Variants in CSRNP3 observed in about 807,000 individuals in gnomAD.
The protein encoded by CSRNP3 is cysteine and serine rich nuclear protein 3, also known as cysteine/serine-rich nuclear protein 3.
CSRNP3 carries 12 observed loss-of-function variants against 48.0 expected under a neutral mutation model. That is an observed-to-expected ratio of 0.25 (90% CI 0.16 to 0.41). The LOEUF (loss-of-function observed/expected upper bound fraction) is 0.41. Ranked by LOEUF, CSRNP3 falls within the 10% of genes least tolerant of loss-of-function variation. The pLI is 1.00. For synonymous variants in CSRNP3, 263 were observed against 269.7 expected (o/e 0.98, Z 0.24); for missense variants, 580 against 724.4 (o/e 0.80, Z 2.29).
chr2:165,631,651 G>GT (rs1329406298), intron 4 of CSRNP3, among the ~76,000 whole-genome samples: 15 of 152,188 alleles, frequency 9.9e-5, no homozygotes, highest in African/African-American at 3.6e-4. Context: ...ACACAGATCA[G>GT]TAAGTAAACA....
intron 2 of CSRNP3, among the ~76,000 whole-genome samples, chr2:165,512,842 C>A (rs909163616): frequency 1.3e-5 from 2 of 152,216 alleles, no homozygotes; most frequent in African/African-American, 2.4e-5. Flanking sequence ...TGGCGGCTCA[C>A]GCCTGTAATC....
chr2:165,536,046 G>A (rs1684877715), intron 3 of CSRNP3, among the ~76,000 whole-genome samples: 1 of 151,748 alleles, frequency 6.6e-6, no homozygotes, highest in Non-Finnish European at 1.5e-5. Context: ...TTAAAATAAT[G>A]TTCTTAACAC....
In CSRNP3 at chr2:165,689,065, G is replaced by A. The variant is rs1277259812; in HGVS notation, c.*9312G>A. The A allele has an allele frequency of 6.6e-6, 1 of 152,030 alleles. No individual in the cohort carries two copies. 9.4% of individuals were successfully genotyped at this position (152,030 alleles called of 1,614,324 possible). On this transcript the variant is annotated 3_prime_UTR_variant, in exon 7 of 7. Coordinates refer to ENST00000651982, the MANE Select transcript of CSRNP3 (RefSeq NM_001172173.2). ...CAGTTTCTAGATTGATTTCTCTTGT[G>A]TATAAGTTATAACATCAAAAATGCC...
chr2:165,524,115 CT>C (rs1032599862), intron 3 of CSRNP3, among the ~76,000 whole-genome samples: 1 of 152,052 alleles, frequency 6.6e-6, no homozygotes, highest in African/African-American at 2.4e-5. Context: ...ATAAAGTGCA[CT>C]GCCAAAATAA....
intron 4 of CSRNP3, among the ~76,000 whole-genome samples, chr2:165,642,889 A>G (rs1686747437): frequency 6.6e-6 from 1 of 152,090 alleles, no homozygotes; most frequent in African/African-American, 2.4e-5. Context: ...TTTATTTTTC[A>G]AATTTGCTCT....
intron 3 of CSRNP3, among the ~76,000 whole-genome samples, chr2:165,555,597 A>T (rs935881122): frequency 2.0e-5 from 3 of 152,174 alleles, no homozygotes; most frequent in African/African-American, 4.8e-5. Flanking sequence ...GTCAATCACT[A>T]ACCTGACATA....
At chr2:165,634,871 G>A (rs1165813169) in intron 4 of CSRNP3, among the ~76,000 whole-genome samples, 2 of 152,250 alleles carry the variant, frequency 1.3e-5, no homozygotes, top group African/African-American at 4.8e-5. Flanking sequence ...ATGTGCATCT[G>A]TGTGCCTTAC....
chr2:165,494,679 C>G (rs1196744923), intron 1 of CSRNP3, 80 bp from the exon 2 acceptor site: 1 of 154,978 alleles, frequency 6.5e-6, no homozygotes, highest in African/African-American at 2.4e-5. Context: ...TTTACAGCCC[C>G]CCCAAATGAC....
intron 4 of CSRNP3, among the ~76,000 whole-genome samples, chr2:165,630,148 AT>A (rs1358692991): frequency 2.5e-4 from 38 of 152,160 alleles, no homozygotes; most frequent in Admixed American, 2.5e-3. Context: ...CTATTCTTTG[AT>A]TTTTGAAGAC....
At chr2:165,485,574 A>G (rs1684101055) in intron 1 of CSRNP3, among the ~76,000 whole-genome samples, 1 of 152,226 alleles carries the variant, frequency 6.6e-6, no homozygotes, top group African/African-American at 2.4e-5. Context: ...GCTTTCAAAC[A>G]GGGTCAACCC....
At chr2:165,604,408 G>C (rs1685975576) in intron 4 of CSRNP3, among the ~76,000 whole-genome samples, 1 of 152,164 alleles carries the variant, frequency 6.6e-6, no homozygotes, top group Non-Finnish European at 1.5e-5. Context: ...AGAAAAAAGA[G>C]ATGCATTTAT....
chr2:165,663,008 AT>A (rs1011936052), intron 5 of CSRNP3, among the ~76,000 whole-genome samples: 27 of 151,918 alleles, frequency 1.8e-4, no homozygotes, highest in Non-Finnish European at 3.4e-4. Flanking sequence ...CTCTACATAA[AT>A]TTTTTTCATC....
chr2:165,649,438 T>G (rs17199232), intron 4 of CSRNP3, among the ~76,000 whole-genome samples: 8,633 of 152,296 alleles, frequency 0.057, 391 homozygotes, highest in Non-Finnish European at 0.086. Flanking sequence ...ATAAACCTAG[T>G]TCTCCTCTAC....
intron 3 of CSRNP3, among the ~76,000 whole-genome samples, chr2:165,565,933 T>C (rs1368236482): frequency 1.3e-5 from 2 of 152,072 alleles, no homozygotes; most frequent in Non-Finnish European, 2.9e-5. Flanking sequence ...AAGCACTCTT[T>C]GTTCTTTCTT....
At chr2:165,647,416 C>A (rs1686831931) in intron 4 of CSRNP3, among the ~76,000 whole-genome samples, 1 of 152,016 alleles carries the variant, frequency 6.6e-6, no homozygotes, top group African/African-American at 2.4e-5. Context: ...AGGCAGATAC[C>A]TCAATAATGT....
chr2:165,569,173 T>G lies in CSRNP3; in HGVS notation c.-23-25870T>G, dbSNP rs548085616. Among the ~76,000 whole-genome samples the G allele has an allele frequency of 5.9e-5, 9 of 152,238 alleles. No individual in the cohort carries two copies. The East Asian group carries it at 1.7e-3, about 29-fold the overall frequency. ...ATTGAATTGAATTAGTCCTGGATTT[T>G]GAGGTTGACGTAGCCAATTTATTGA... On this transcript the variant is annotated intron_variant, in intron 3 of 6. Transcript: ENST00000651982.
intron 3 of CSRNP3, among the ~76,000 whole-genome samples, chr2:165,525,650 T>A (rs1035717976): frequency 5.9e-5 from 9 of 151,534 alleles, no homozygotes; most frequent in African/African-American, 2.2e-4. Flanking sequence ...CACGCTCGGC[T>A]AATTTTTGTA....
At chr2:165,643,442 C>A (rs1016439392) in intron 4 of CSRNP3, among the ~76,000 whole-genome samples, 1 of 152,210 alleles carries the variant, frequency 6.6e-6, no homozygotes. Context: ...CCACTATGTG[C>A]ATAGCATCTG....
intron 5 of CSRNP3, among the ~76,000 whole-genome samples, chr2:165,670,361 T>C (rs1325357514): frequency 6.6e-6 from 1 of 152,192 alleles, no homozygotes; most frequent in Non-Finnish European, 1.5e-5. Flanking sequence ...TTACTCCAGT[T>C]CATTGGGATC....
Sources: gnomAD v4.1 joint callset for allele counts (sites outside exome capture counted in the v4.1 genomes callset) on GRCh38, gnomAD v4.1.1 for gene constraint, MANE v1.5 for transcripts, NCBI Gene and HGNC (gene_info 2026-07-23, HGNC 2026-07-21) for gene names.